ZNF12: variants seen among roughly 807,000 people sequenced by gnomAD.
ZNF12 encodes zinc finger protein 12, also known as gonadotropin inducible transcription repressor 3.
ZNF12 carries 34 observed loss-of-function variants against 66.6 expected under a neutral mutation model. That is an observed-to-expected ratio of 0.51 (90% CI 0.39 to 0.68). The LOEUF is 0.68. Ranked by LOEUF, ZNF12 falls within the 30% of genes least tolerant of loss-of-function variation. The probability of loss-of-function intolerance (pLI) is 0.00; values close to 1 mark genes in which losing one functional copy is unlikely to be tolerated. For synonymous variants in ZNF12, 320 were observed against 278.9 expected, an observed-to-expected ratio of 1.15 and a Z score of -1.47; for missense variants, 697 against 826.9, an observed-to-expected ratio of 0.84 and a Z score of 1.93.
Position 6,691,551 on chromosome 7 carries a change from G to C in ZNF12, c.1391C>G (p.Pro464Arg). Residue 464 changes from proline to arginine, a missense_variant, in exon 5 of 5, where the codon CCC becomes CGC. Pro to Arg is a moderately radical substitution (Grantham distance 103). Coordinates refer to ENST00000405858, the MANE Select transcript of ZNF12 (RefSeq NM_016265.4). ...TTTTCCACATTCATTACATTCATAG[G>C]GTTTCTCTCCTGAATGAGTTCTATA... ...VHYRTHSGEKPYECNECGKTF... is the reference protein window; with the variant it reads ...VHYRTHSGEKRYECNECGKTF... The C allele has an allele frequency of 6.2e-7, 1 of 1,614,112 alleles. No homozygotes were observed. The highest frequency in any genetic ancestry group is 8.5e-7 in the Non-Finnish European group (1 of 1,179,986).
Position 6,697,917 on chromosome 7 carries a change from A to C in ZNF12, c.16-106T>G, listed in dbSNP as rs1205377181. On this transcript the variant is annotated intron_variant, in intron 2 of 4. Coordinates refer to ENST00000405858, the MANE Select transcript of ZNF12 (RefSeq NM_016265.4). This position sits in a 1 kb window ranked among gnomAD's most constrained non-coding sequence, Gnocchi z 6.1. ...TTAACCATGAACACTGTATACCTTT[A>C]TTTTATGTTACAGACTGTCAAAGGG... 1 of 1,244,820 alleles carries C rather than the reference A, an allele frequency of 8.0e-7. No individual in the cohort carries two copies. Among genetic ancestry groups the C allele is most frequent in the Non-Finnish European group, 1.2e-6 (1 of 850,504 alleles). The allele number at this position is 1,244,820 out of a possible 1,614,324, so 77.1% of individuals were successfully genotyped here.
At chr7:6,700,447 TC>T (rs1332574266) in intron 2 of ZNF12, among the ~76,000 whole-genome samples, 1 of 152,100 alleles carries the variant, frequency 6.6e-6, no homozygotes, top group African/African-American at 2.4e-5. Flanking sequence ...TTTGAGTCTT[TC>T]CATTAAGAGA....
chr7:6,699,727 T>C (rs1413211600), intron 2 of ZNF12, among the ~76,000 whole-genome samples: 2 of 152,216 alleles, frequency 1.3e-5, no homozygotes, highest in Admixed American at 1.3e-4. Flanking sequence ...CTGCTTAGTA[T>C]GTCCACCTGA....
rs558413700 is a variant in ZNF12 at position 6,691,119 on chromosome 7, T to C, written c.1823A>G (p.Tyr608Cys). ...THTGEKAYEC[Y>C]ECGKCFSQMS... ...CTGAGAGAAGCACTTCCCACATTCA[T>C]AACATTCGTAGGCTTTCTCTCCTGT... Residue 608 changes from tyrosine (Y) to cysteine (C), a missense_variant, in exon 5 of 5, where the codon TAT (tyrosine) becomes TGT (cysteine). Physicochemically the swap from Tyr to Cys is radical, Grantham distance 194. Around this residue, in one of 3 missense-constraint regions of ZNF12, gnomAD observed 401 missense variants for 519.0 expected, o/e 0.77. Coordinates refer to ENST00000405858, the MANE Select transcript of ZNF12 (RefSeq NM_016265.4). The C allele has an allele frequency of 3.1e-6, 5 of 1,614,006 alleles. No homozygotes were observed. Among genetic ancestry groups the C allele is most frequent in the East Asian group, 4.5e-5 (2 of 44,880 alleles).
At position 6,692,435 on chromosome 7, in the gene ZNF12, A is replaced by G. The variant is rs1316692740; in HGVS notation, c.507T>C (p.Ser169=). The part of the protein sequence containing the change: ...SYARMKADEC[S]GCGKSLLHIK... ...TATGGAGGAGTGATTTCCCACATCC[A>G]CTACATTCATCAGCTTTCATTCTTG... Residue 169 remains serine, a synonymous_variant, in exon 5 of 5, where the codon AGT becomes AGC. Transcript: ENST00000405858. The surrounding 1 kb of genome is among the most constrained non-coding windows in gnomAD (Gnocchi z 5.1). 1 of 1,613,176 alleles carries G rather than the reference A, an allele frequency of 6.2e-7. No homozygotes were observed. The highest frequency in any genetic ancestry group is 1.7e-5 in the Admixed American group (1 of 59,968).
Position 6,692,249 on chromosome 7 carries a change from AAC to A in ZNF12, c.691_692del (p.Val231PhefsTer3), listed in dbSNP as rs1780082376. ...ECQKAFQKDTVFVNHMEEKPY... is the reference protein window; with the variant it reads ...ECQKAFQKDTXFVNHMEEKPY... ...GCTTTTCTTCCATGTGATTAACAAA[AAC>A]AGTGTCCTTTTGGAAGGCTTTCTGG... On this transcript the variant is annotated frameshift_variant, in exon 5 of 5. Coordinates refer to ENST00000405858, the MANE Select transcript of ZNF12 (RefSeq NM_016265.4). LOFTEE classifies it high-confidence loss of function. The surrounding 1 kb of genome is among the most constrained non-coding windows in gnomAD (Gnocchi z 5.1). 1.2e-6 allele frequency: 2 copies of A among 1,613,788 alleles called. No homozygotes were observed. The highest frequency in any genetic ancestry group is 1.7e-6 in the Non-Finnish European group (2 of 1,179,840).
Position 6,692,254 on chromosome 7 carries a change from T to C in ZNF12, c.688A>G (p.Thr230Ala). The change falls in exon 5 of 5, where the codon ACT becomes GCT. Residue 230 changes from threonine (T) to alanine (A), a missense_variant. Physicochemically the swap from Thr to Ala is moderately conservative, Grantham distance 58. Coordinates refer to ENST00000405858, the MANE Select transcript of ZNF12 (RefSeq NM_016265.4). This position sits in a 1 kb window ranked among gnomAD's most constrained non-coding sequence, Gnocchi z 5.1. ...IECQKAFQKD[T>A]VFVNHMEEKP... ...TCTTCCATGTGATTAACAAAAACAG[T>C]GTCCTTTTGGAAGGCTTTCTGGCAT... The C allele has an allele frequency of 6.2e-7, 1 of 1,613,820 alleles. No homozygotes were observed.
In ZNF12 at chr7:6,691,635, G is replaced by A. The variant is rs1780070196; in HGVS notation, c.1307C>T (p.Pro436Leu). Residue 436 changes from proline to leucine, a missense_variant, in exon 5 of 5, where the codon CCG (proline) becomes CTG (leucine). Physicochemically the swap from Pro to Leu is moderately conservative, Grantham distance 98 (BLOSUM62 -3). This residue lies in a region of ZNF12 where 401 missense variants were observed against 519.0 expected (regional missense o/e 0.77). Transcript: ENST00000405858. The stretch of plus-strand genomic sequence containing the variant: ...TTTTCCACACTCATTACATTCATAC[G>A]GTTTCTCTCCTGTGTGGGTCCTCAG... ...THLRTHTGEKPYECNECGKFF... is the reference protein window; with the variant it reads ...THLRTHTGEKLYECNECGKFF... 6 of 1,613,980 alleles carry A rather than the reference G, an allele frequency of 3.7e-6. No homozygotes were observed. The highest frequency in any genetic ancestry group is 2.7e-5 in the African/African-American group (2 of 75,018).
In ZNF12 at chr7:6,695,533, T is replaced by C. The variant is rs78763271; in HGVS notation, c.238+1806A>G. 1.3e-3 allele frequency among the ~76,000 whole-genome samples: 204 copies of C among 152,334 alleles called. 3 individuals are homozygous for C. In the East Asian group the frequency reaches 0.035, roughly 26 times the overall value. ...GCATGCATATTTAGAAGTAACTGCCTGTAAATTATTTCTGAATGGATGGAC... is the reference window on the plus strand; with the variant it reads ...GCATGCATATTTAGAAGTAACTGCCCGTAAATTATTTCTGAATGGATGGAC... On this transcript the variant is annotated intron_variant, in intron 4 of 4. Transcript: ENST00000405858.
At chr7:6,699,576 C>T (rs971573500) in intron 2 of ZNF12, among the ~76,000 whole-genome samples, 2 of 152,232 alleles carry the variant, frequency 1.3e-5, no homozygotes, top group Non-Finnish European at 2.9e-5. Context: ...TCTGTGCACA[C>T]TTTGTTCAGA....
intron 2 of ZNF12, among the ~76,000 whole-genome samples, chr7:6,702,936 A>C (rs1352173149): frequency 2.9e-5 from 4 of 137,520 alleles, no homozygotes; most frequent in African/African-American, 1.1e-4. Flanking sequence ...ACACACACAC[A>C]CACACCAGAT....
intron 2 of ZNF12, chr7:6,700,936 C>A (rs1277560078): frequency 2.6e-5 from 4 of 152,074 alleles, no homozygotes; most frequent in Non-Finnish European, 5.9e-5. Flanking sequence ...AATCACAATA[C>A]TTTGATGGTG....
intron 4 of ZNF12, among the ~76,000 whole-genome samples, chr7:6,694,880 C>T (rs1300136460): frequency 6.6e-6 from 1 of 152,214 alleles, no homozygotes; most frequent in Non-Finnish European, 1.5e-5. Context: ...ATTGGAACAT[C>T]AGCACTCCAT....
At chr7:6,700,067 C>G (rs1231088433) in intron 2 of ZNF12, among the ~76,000 whole-genome samples, 7 of 151,834 alleles carry the variant, frequency 4.6e-5, no homozygotes, top group Non-Finnish European at 8.8e-5. Context: ...GGGCAGATCA[C>G]AAGGTCAGGA....
In ZNF12 at chr7:6,706,574, C is replaced by T. The variant is rs55869731; in HGVS notation, c.-193G>A. ...TGCTCCAGAGGGGCCCGGGCCGGGC[C>T]TACGGGACAAATCCAGGCGGGGCGT... is the stretch of plus-strand genomic sequence containing the variant. On this transcript the variant is annotated 5_prime_UTR_variant, in exon 1 of 5. Coordinates refer to ENST00000405858, the MANE Select transcript of ZNF12 (RefSeq NM_016265.4). 22,846 of 462,652 alleles carry T rather than the reference C, an allele frequency of 0.049. 764 individuals are homozygous for T. Among genetic ancestry groups the T allele is most frequent in the African/African-American group, 0.1 (5,126 of 50,296 alleles). The allele number at this position is 462,652 out of a possible 1,614,324, so 28.7% of individuals were successfully genotyped here.
At position 6,702,937 on chromosome 7, in the gene ZNF12, CA is replaced by C. The variant is rs1274185895; in HGVS notation, c.15+2221del. Among the ~76,000 whole-genome samples, 143 of 147,116 alleles carry C rather than the reference CA, an allele frequency of 9.7e-4. 3 individuals carry two copies. The highest frequency in any genetic ancestry group is 1.5e-3 in the Non-Finnish European group (98 of 66,902). ...TGGTGTCCCAAACCACACACACACA[CA>C]CACCAGATTCGTGTCCCAAAACACA... On this transcript the variant is annotated intron_variant, in intron 2 of 4. Transcript: ENST00000405858.
At chr7:6,694,636 G>A (rs768915744) in intron 4 of ZNF12, among the ~76,000 whole-genome samples, 3 of 151,896 alleles carry the variant, frequency 2.0e-5, no homozygotes, top group Non-Finnish European at 4.4e-5. Context: ...CTTATGCTAC[G>A]ATCACTGTGT....
chr7:6,691,708 T>C lies in ZNF12; in HGVS notation c.1234A>G (p.Ser412Gly). The change falls in exon 5 of 5, where the codon AGT becomes GGT. Residue 412 changes from serine to glycine, a missense_variant. By Grantham distance (56) the Ser-to-Gly change is moderately conservative. Around this residue, in one of 3 missense-constraint regions of ZNF12, gnomAD observed 401 missense variants for 519.0 expected, o/e 0.77. Coordinates refer to ENST00000405858, the MANE Select transcript of ZNF12 (RefSeq NM_016265.4). The part of the protein sequence containing the change: ...IHTGVKLYKC[S>G]ECGKCFCRKS... Reference sequence around the variant, plus strand: ...CGGCAGAAGCATTTCCCACATTCACTACACTTGTAGAGTTTCACACCTGTG... The same window carrying C: ...CGGCAGAAGCATTTCCCACATTCACCACACTTGTAGAGTTTCACACCTGTG... 3.1e-6 allele frequency: 5 copies of C among 1,613,956 alleles called. No individual in the cohort carries two copies. The highest frequency in any genetic ancestry group is 4.2e-6 in the Non-Finnish European group (5 of 1,179,866).
In ZNF12 at chr7:6,691,760, T is replaced by C. The variant is rs1483459438; in HGVS notation, c.1182A>G (p.Ser394=). 1 of 1,614,022 alleles carries C rather than the reference T, an allele frequency of 6.2e-7. No individual in the cohort carries two copies. The highest frequency in any genetic ancestry group is 1.7e-5 in the Admixed American group (1 of 60,028). The change falls in exon 5 of 5, where the codon TCA becomes TCG. Residue 394 remains serine (S), a synonymous_variant. Coordinates refer to ENST00000405858, the MANE Select transcript of ZNF12 (RefSeq NM_016265.4). The part of the protein sequence containing the change: ...HDCGKTFSQK[S]ALNDHQKIHT... Reference sequence around the variant, plus strand: ...GAATTTTCTGATGGTCATTAAGTGCTGACTTCTGCGAGAAGGTTTTCCCAC... The same window carrying C: ...GAATTTTCTGATGGTCATTAAGTGCCGACTTCTGCGAGAAGGTTTTCCCAC...
Sources: allele counts gnomAD v4.1 joint callset (sites outside exome capture counted in the v4.1 genomes callset), GRCh38; gene constraint gnomAD v4.1.1; regional missense constraint gnomAD v4.1.1; non-coding constraint Gnocchi (gnomAD v3.1); transcripts MANE v1.5; gene names NCBI Gene and HGNC (gene_info 2026-07-23, HGNC 2026-07-21).